The following PHF8 variants were observed in gnomAD, a reference collection of about 807,000 sequenced individuals.
The protein encoded by PHF8 is PHD finger protein 8, also known as histone lysine demethylase PHF8.
PHF8 carries 9 observed loss-of-function variants against 74.4 expected under a neutral mutation model. That is an observed-to-expected ratio of 0.12 (90% confidence interval 0.07 to 0.21). The LOEUF (loss-of-function observed/expected upper bound fraction) is 0.21, where lower values mean the gene tolerates loss of function less well. PHF8 is among the 10% of genes least tolerant of loss of function. The pLI, the probability that PHF8 is intolerant of heterozygous loss-of-function variation, is 1.00. For synonymous variants in PHF8, 311 were observed against 316.6 expected, an observed-to-expected ratio of 0.98 and a Z score of 0.19; for missense variants, 478 against 816.6, an observed-to-expected ratio of 0.59 and a Z score of 5.05.
chrX:53,964,357 A>G, intron 18 of PHF8, among the ~76,000 whole-genome samples: 1 of 111,207 alleles, frequency 9.0e-6, no homozygotes, highest in South Asian at 3.8e-4. Flanking sequence ...CGTTCTGCAC[A>G]TGTATCCCAG....
Position 54,016,660 on chromosome X carries a change from T to C in PHF8, c.531A>G (p.Lys177=), listed in dbSNP as rs1447437157. ...TCTCCCTCTTCCCGCTGTAATAGTA[T>C]TTCACAAAATCACCAAGCTTCATCT... ...DCKMKLGDFV[K]YYYSGKREKV... The change falls in exon 6 of 22, where the codon AAA becomes AAG. Residue 177 remains lysine, a synonymous_variant. Coordinates refer to ENST00000338154, the MANE Select transcript of PHF8 (RefSeq NM_015107.3). 1.3e-5 allele frequency: 15 copies of C among 1,197,788 alleles called. No homozygotes were observed. The Middle Eastern group carries it at 3.2e-3, about 259-fold the overall frequency.
chrX:54,000,920 C>T (rs782283552), intron 10 of PHF8, among the ~76,000 whole-genome samples: 9 of 113,127 alleles, frequency 8.0e-5, no homozygotes, highest in Non-Finnish European at 1.5e-4. Flanking sequence ...TTTTCAGTCA[C>T]ACTTGCTAAA....
At chrX:54,029,950 C>A (rs1348608035) in intron 2 of PHF8, among the ~76,000 whole-genome samples, 1 of 111,094 alleles carries the variant, frequency 9.0e-6, no homozygotes, top group East Asian at 2.8e-4. Context: ...ACCCATGAAG[C>A]CAGCTCTGCT....
At chrX:53,944,876 T>A (rs903258316) in intron 19 of PHF8, among the ~76,000 whole-genome samples, 1 of 110,189 alleles carries the variant, frequency 9.1e-6, no homozygotes, top group African/African-American at 3.3e-5. Context: ...ACAAAAATTA[T>A]CCCGGCATGG....
chrX:53,965,529 C>T (rs1477545029), intron 18 of PHF8, among the ~76,000 whole-genome samples: 2 of 112,288 alleles, frequency 1.8e-5, no homozygotes, highest in African/African-American at 6.5e-5. Context: ...ATCCTAGCTA[C>T]TCGGGAGGCT....
intron 19 of PHF8, among the ~76,000 whole-genome samples, chrX:53,953,659 C>T (rs58782894): frequency 2.3e-5 from 2 of 86,903 alleles, no homozygotes; most frequent in Non-Finnish European, 4.3e-5. Context: ...AAAAAAAAAG[C>T]GGGGGGGGTC....
At chrX:54,002,534 T>C in intron 9 of PHF8, 61 bp downstream of exon 9, 1 of 733,418 alleles carries the variant, frequency 1.4e-6, no homozygotes, top group African/African-American at 2.1e-5. Context: ...TTCTACATTA[T>C]ACTCCTCACT....
intron 7 of PHF8, among the ~76,000 whole-genome samples, chrX:54,012,932 A>C (rs1235998396): frequency 1.0e-5 from 1 of 96,715 alleles, no homozygotes; most frequent in Non-Finnish European, 2.1e-5. Flanking sequence ...AAAGTGAGAG[A>C]CTGTCTCAAA....
Position 53,938,209 on chromosome X carries a change from G to A in PHF8, c.*949C>T. ...ACACCCTCCATAATGTCCAGGCTGTGCTCTGTGGTATAGGCGGAGCAAGCA... is the reference window on the plus strand; with the variant it reads ...ACACCCTCCATAATGTCCAGGCTGTACTCTGTGGTATAGGCGGAGCAAGCA... On this transcript the variant is annotated 3_prime_UTR_variant, in exon 22 of 22. Transcript: ENST00000338154. 9.3e-7 allele frequency: 1 copy of A among 1,080,619 alleles called. No individual in the cohort carries two copies. Among genetic ancestry groups the A allele is most frequent in the South Asian group, 2.5e-5 (1 of 39,279 alleles). The allele number at this position is 1,080,619 out of a possible 1,213,427, so 89.1% of individuals were successfully genotyped here.
chrX:54,000,439 G>A (rs2065810786), intron 10 of PHF8, among the ~76,000 whole-genome samples: 1 of 112,260 alleles, frequency 8.9e-6, no homozygotes, highest in Non-Finnish European at 1.9e-5. Flanking sequence ...CCTTATGTCA[G>A]GAGGCTACTA....
At chrX:54,019,914 G>A (rs2066140038) in intron 4 of PHF8, among the ~76,000 whole-genome samples, 1 of 110,792 alleles carries the variant, frequency 9.0e-6, no homozygotes, top group African/African-American at 3.3e-5. Context: ...GCTGGGCACG[G>A]TGGCTCACAC....
At chrX:53,964,930 G>A (rs1424296860) in intron 18 of PHF8, among the ~76,000 whole-genome samples, 1 of 109,273 alleles carries the variant, frequency 9.2e-6, no homozygotes, top group Non-Finnish European at 1.9e-5. Context: ...TGGCTAGAGG[G>A]AGGAATTAGT....
rs1356324585 is a variant in PHF8, at chrX:54,039,204, A to G, written c.98+3427T>C. ...TTCTATCACCTCTAGGTATCTGTGG[A>G]TTTAAAATTTGTTGGCTTAACTCTT... On this transcript the variant is annotated intron_variant, in intron 2 of 21. Coordinates refer to ENST00000338154, the MANE Select transcript of PHF8 (RefSeq NM_015107.3). Among the ~76,000 whole-genome samples the G allele has an allele frequency of 3.6e-5, 4 of 109,951 alleles. No individual in the cohort carries two copies. In the Admixed American group the frequency reaches 3.9e-4, roughly 11 times the overall value.
In PHF8 at chrX:53,938,137, A is replaced by G. The variant is rs2056086270; in HGVS notation, c.*1021T>C. The G allele has an allele frequency of 8.8e-7, 1 of 1,135,091 alleles. No homozygotes were observed. The highest frequency in any genetic ancestry group is 2.1e-5 in the South Asian group (1 of 48,079). 93.5% of individuals were successfully genotyped at this position (1,135,091 alleles called of 1,213,427 possible). A position where few individuals can be genotyped will look rare whatever the true frequency, so the allele number is the denominator to read the frequency against. On this transcript the variant is annotated 3_prime_UTR_variant, in exon 22 of 22. Transcript: ENST00000338154. Reference sequence around the variant, plus strand: ...GACCAAGACCTCAGGTGGAGAAAGAAGCATGAAAAGTTCCCGATGGAGGAC... The same window carrying G: ...GACCAAGACCTCAGGTGGAGAAAGAGGCATGAAAAGTTCCCGATGGAGGAC...
intron 4 of PHF8, 70 bp from the exon 5 acceptor site, chrX:54,017,891 C>T: frequency 9.6e-7 from 1 of 1,046,177 alleles, no homozygotes; most frequent in Non-Finnish European, 1.3e-6. Flanking sequence ...GAGGCTGCCA[C>T]TCACCCAAGA....
At chrX:53,965,032 A>G (rs2065161563) in intron 18 of PHF8, among the ~76,000 whole-genome samples, 1 of 111,914 alleles carries the variant, frequency 8.9e-6, no homozygotes, top group South Asian at 3.7e-4. Context: ...GTACTGAACT[A>G]TACACTTTAA....
chrX:54,011,875 A>G (rs1365884897), intron 7 of PHF8, among the ~76,000 whole-genome samples: 3 of 109,981 alleles, frequency 2.7e-5, no homozygotes, highest in Non-Finnish European at 5.7e-5. Flanking sequence ...AAAAAAAAAA[A>G]AAAAAAGAAA....
At chrX:53,962,697 C>T (rs2065123061) in intron 19 of PHF8, 147 bp downstream of exon 19, 2 of 508,491 alleles carry the variant, frequency 3.9e-6, no homozygotes, top group Non-Finnish European at 7.1e-6. Context: ...AACACAGTGC[C>T]TGACACACAG....
Position 53,936,708 on chromosome X carries a change from T to C in PHF8, c.*2450A>G, listed in dbSNP as rs1411670865. On this transcript the variant is annotated 3_prime_UTR_variant, in exon 22 of 22. Coordinates refer to ENST00000338154, the MANE Select transcript of PHF8 (RefSeq NM_015107.3). ...CCAAGATAAATCACTTTTATCTCTA[T>C]AGGAAAGGGAGGATCTAAAAAAAAT... 9.1e-6 allele frequency: 1 copy of C among 110,162 alleles called. No homozygotes were observed. Among genetic ancestry groups the C allele is most frequent in the African/African-American group, 3.3e-5 (1 of 30,143 alleles). 9.1% of individuals were successfully genotyped at this position (110,162 alleles called of 1,213,427 possible). A position where few individuals can be genotyped will look rare whatever the true frequency, so the allele number is the denominator to read the frequency against.
Sources: allele counts gnomAD v4.1 joint callset (sites outside exome capture counted in the v4.1 genomes callset), GRCh38; gene constraint gnomAD v4.1.1; transcripts MANE v1.5; gene names NCBI Gene and HGNC (gene_info 2026-07-23, HGNC 2026-07-21).